Variants in PPP1R16B observed in about 807,000 individuals in gnomAD.
PPP1R16B encodes protein phosphatase 1 regulatory subunit 16B, also known as protein phosphatase 1 regulatory inhibitor subunit 16B.
Under a neutral mutation model 61.7 loss-of-function variants are expected in PPP1R16B, and 14 were observed. The ratio of observed to expected loss-of-function variants is 0.23; its 90% CI spans 0.15 to 0.35. The LOEUF (loss-of-function observed/expected upper bound fraction) is 0.35. PPP1R16B is among the 10% of genes least tolerant of loss of function. PPP1R16B has a pLI of 1.00. For missense variants in PPP1R16B, 547 were observed against 752.5 expected (o/e 0.73, Z 3.19); for synonymous variants, 266 against 305.3 (o/e 0.87, Z 1.34).
At chr20:38,906,287 T>G (rs1268779818) in intron 7 of PPP1R16B, among the ~76,000 whole-genome samples, 193 bp downstream of exon 7, 3 of 116,520 alleles carry the variant, frequency 2.6e-5, no homozygotes, top group South Asian at 3.2e-4. Context: ...AGTTGTGTTT[T>G]TTTTTTTTTT....
At chr20:38,864,097 C>T (rs898716659) in intron 2 of PPP1R16B, among the ~76,000 whole-genome samples, 28 of 152,308 alleles carry the variant, frequency 1.8e-4, no homozygotes, top group African/African-American at 6.0e-4. Context: ...CAAAAGGCCA[C>T]GTGTTCTAGA....
At chr20:38,821,128 A>G (rs149698070) in intron 1 of PPP1R16B, among the ~76,000 whole-genome samples, 2 of 152,232 alleles carry the variant, frequency 1.3e-5, no homozygotes, top group African/African-American at 4.8e-5. Flanking sequence ...AGCATCTCCA[A>G]GTGATTCCAA....
intron 2 of PPP1R16B, among the ~76,000 whole-genome samples, chr20:38,842,692 C>A (rs1022301054): frequency 2.6e-5 from 4 of 152,132 alleles, no homozygotes; most frequent in African/African-American, 9.7e-5. Context: ...CTGCAACCCC[C>A]TCCCCCACCC....
chr20:38,806,246 C>T lies in PPP1R16B; in HGVS notation c.-102+454C>T, dbSNP rs913948768. On this transcript the variant is annotated intron_variant, in intron 1 of 10. Coordinates refer to ENST00000299824, the MANE Select transcript of PPP1R16B (RefSeq NM_015568.4). This position sits in a 1 kb window ranked among gnomAD's most constrained non-coding sequence, Gnocchi z 4.5. ...CCCGGCCGGGCATGGTGGTGCCGCC[C>T]CCTCGCGTGGCGGGGCTTGGTCCTG... Among the ~76,000 whole-genome samples the T allele has an allele frequency of 2.6e-5, 4 of 152,134 alleles. No individual in the cohort carries two copies. The highest frequency in any genetic ancestry group is 7.2e-5 in the African/African-American group (3 of 41,446).
At chr20:38,895,523 G>C (rs763051410) in intron 3 of PPP1R16B, 42 bp from the exon 4 acceptor site, 1 of 1,603,836 alleles carries the variant, frequency 6.2e-7, no homozygotes, top group Admixed American at 1.7e-5. Flanking sequence ...CCGGGGCCCA[G>C]TGCCCTGCCT....
At chr20:38,812,448 A>G (rs1001289204) in intron 1 of PPP1R16B, among the ~76,000 whole-genome samples, 1 of 152,296 alleles carries the variant, frequency 6.6e-6, no homozygotes, top group Non-Finnish European at 1.5e-5. Context: ...ATGAGGTCAA[A>G]CTGCAGTGTG....
intron 2 of PPP1R16B, among the ~76,000 whole-genome samples, chr20:38,867,744 C>T (rs1425721449): frequency 1.3e-5 from 2 of 151,970 alleles, no homozygotes; most frequent in Non-Finnish European, 2.9e-5. Context: ...GTGAACTTGG[C>T]TCACTGCAAC....
Position 38,806,474 on chromosome 20 carries a change from C to G in PPP1R16B, c.-102+682C>G, listed in dbSNP as rs531171299. On this transcript the variant is annotated intron_variant, in intron 1 of 10. Coordinates refer to ENST00000299824, the MANE Select transcript of PPP1R16B (RefSeq NM_015568.4). The surrounding 1 kb of genome is among the most constrained non-coding windows in gnomAD (Gnocchi z 4.5). ...CCCGTGCGCCGGCGGCTGGGTCCCCCGCGCCAGGAGCGCTCCCCTCTGGGC... is the reference window on the plus strand; with the variant it reads ...CCCGTGCGCCGGCGGCTGGGTCCCCGGCGCCAGGAGCGCTCCCCTCTGGGC... Among the ~76,000 whole-genome samples, 53 of 152,192 alleles carry G rather than the reference C, an allele frequency of 3.5e-4. 1 individual carries two copies. In the East Asian group the frequency reaches 1.0e-2, roughly 29 times the overall value.
chr20:38,856,931 T>C (rs1156710713), intron 2 of PPP1R16B, among the ~76,000 whole-genome samples: 1 of 152,182 alleles, frequency 6.6e-6, no homozygotes. Flanking sequence ...TAACAGCACT[T>C]AACAAGGTCT....
chr20:38,886,882 TGCCCTTGTG>T (rs1169749214), intron 2 of PPP1R16B, among the ~76,000 whole-genome samples: 2 of 152,256 alleles, frequency 1.3e-5, no homozygotes, highest in East Asian at 3.8e-4. Flanking sequence ...GTCATGGTTC[TGCCCTTGTG>T]GGGCTTAGTG....
chr20:38,836,134 T>G lies in PPP1R16B; in HGVS notation c.209T>G (p.Val70Gly). Residue 70 changes from valine (V) to glycine (G), a missense_variant, in exon 2 of 11, where the codon GTG (valine) becomes GGG (glycine). Val to Gly is a moderately radical substitution (Grantham distance 109). Coordinates refer to ENST00000299824, the MANE Select transcript of PPP1R16B (RefSeq NM_015568.4). ...AAGAAAGTGTCCTTCGAGGCCAGCGTGGCCCTGCTGGAGGCCTCGCTGAGG... is the reference window on the plus strand; with the variant it reads ...AAGAAAGTGTCCTTCGAGGCCAGCGGGGCCCTGCTGGAGGCCTCGCTGAGG... ...RRKKVSFEAS[V>G]ALLEASLRND... 1 of 1,612,146 alleles carries G rather than the reference T, an allele frequency of 6.2e-7. No individual in the cohort carries two copies. The highest frequency in any genetic ancestry group is 8.5e-7 in the Non-Finnish European group (1 of 1,179,828).
chr20:38,862,318 G>A (rs6071607), intron 2 of PPP1R16B, among the ~76,000 whole-genome samples: 7,910 of 152,242 alleles, frequency 0.052, 245 homozygotes, highest in Non-Finnish European at 0.063. Context: ...AATGATATAA[G>A]GCAGAAACTA....
intron 2 of PPP1R16B, among the ~76,000 whole-genome samples, chr20:38,842,836 A>G (rs1274386528): frequency 6.6e-6 from 1 of 152,180 alleles, no homozygotes; most frequent in Non-Finnish European, 1.5e-5. Flanking sequence ...TTATTAAAAA[A>G]AAAAAAACCC....
intron 1 of PPP1R16B, among the ~76,000 whole-genome samples, chr20:38,817,841 G>A (rs1348671454): frequency 3.3e-5 from 5 of 152,076 alleles, no homozygotes; most frequent in East Asian, 1.9e-4. Flanking sequence ...TCAGGAGATC[G>A]AGACCATCCT....
At chr20:38,871,559 AGGT>A (rs2085129074) in intron 2 of PPP1R16B, among the ~76,000 whole-genome samples, 1 of 137,648 alleles carries the variant, frequency 7.3e-6, no homozygotes, top group Non-Finnish European at 1.5e-5. Context: ...GAGTGTAGGG[AGGT>A]AGAGAGTAAG....
rs774677288 is a variant in PPP1R16B at position 38,918,363 on chromosome 20, G to C, written c.1401G>C (p.Pro467=). The change falls in exon 11 of 11, where the codon CCG becomes CCC. Residue 467 remains proline (P), a synonymous_variant. Coordinates refer to ENST00000299824, the MANE Select transcript of PPP1R16B (RefSeq NM_015568.4). The surrounding 1 kb of genome is among the most constrained non-coding windows in gnomAD (Gnocchi z 5.3). ...YGNPGVADAT[P]PWSSYKEQSP... is the part of the protein sequence containing the mutation. ...ACCCTGGCGTGGCCGACGCCACCCC[G>C]CCCTGGAGCAGCTACAAGGAACAGA... The C allele has an allele frequency of 6.2e-7, 1 of 1,614,062 alleles. No homozygotes were observed. Among genetic ancestry groups the C allele is most frequent in the Non-Finnish European group, 8.5e-7 (1 of 1,180,020 alleles).
chr20:38,860,394 G>A (rs1391078990), intron 2 of PPP1R16B, among the ~76,000 whole-genome samples: 2 of 152,266 alleles, frequency 1.3e-5, no homozygotes, highest in Non-Finnish European at 2.9e-5. Context: ...GAGCCACTGT[G>A]CCTGGCCTTT....
chr20:38,906,481 G>A (rs1445836365), intron 7 of PPP1R16B, among the ~76,000 whole-genome samples: 1 of 151,858 alleles, frequency 6.6e-6, no homozygotes, highest in East Asian at 1.9e-4. Flanking sequence ...TTTTAGTAGA[G>A]ACAGGGTTTC....
At chr20:38,832,854 G>T (rs1020671037) in intron 1 of PPP1R16B, among the ~76,000 whole-genome samples, 1 of 150,918 alleles carries the variant, frequency 6.6e-6, no homozygotes, top group Non-Finnish European at 1.5e-5. Flanking sequence ...GGAGGCGGAG[G>T]TTGCAGTGAG....
Sources: allele counts gnomAD v4.1 joint callset (sites outside exome capture counted in the v4.1 genomes callset), GRCh38; gene constraint gnomAD v4.1.1; non-coding constraint Gnocchi (gnomAD v3.1); transcripts MANE v1.5; gene names NCBI Gene and HGNC (gene_info 2026-07-23, HGNC 2026-07-21).